Variants in EPHA7 observed in about 807,000 individuals in gnomAD.
EPHA7 encodes ephrin type-A receptor 7.
In EPHA7, 25 loss-of-function variants were observed where a neutral mutation model predicts 112.6. That is an observed-to-expected ratio of 0.22 (90% CI 0.16 to 0.31). EPHA7 has a LOEUF of 0.31. Ranked by LOEUF, EPHA7 falls within the 10% of genes least tolerant of loss-of-function variation. The pLI, the probability that EPHA7 is intolerant of heterozygous loss-of-function variation, is 1.00. For missense variants in EPHA7, 962 were observed against 1,212.6 expected, an observed-to-expected ratio of 0.79 and a Z score of 3.07; for synonymous variants, 437 against 406.5, an observed-to-expected ratio of 1.07 and a Z score of -0.90.
chr6:93,347,140 C>T (rs1775442313), intron 5 of EPHA7, among the ~76,000 whole-genome samples: 1 of 151,708 alleles, frequency 6.6e-6, no homozygotes, highest in Non-Finnish European at 1.5e-5. Flanking sequence ...ACACTTTTTC[C>T]TAAGAAAATC....
At chr6:93,353,514 A>G (rs967346016) in intron 5 of EPHA7, among the ~76,000 whole-genome samples, 2 of 152,170 alleles carry the variant, frequency 1.3e-5, no homozygotes, top group Admixed American at 6.6e-5. Context: ...TTAACTGCCA[A>G]TTCTGCACTC....
chr6:93,396,951 CTAT>C (rs1264661429), intron 3 of EPHA7, among the ~76,000 whole-genome samples: 1 of 151,604 alleles, frequency 6.6e-6, no homozygotes, highest in Middle Eastern at 3.2e-3. Flanking sequence ...GAAATAGAAT[CTAT>C]TAATGAGCTT....
rs1314200690 is a variant in EPHA7, at chr6:93,243,367, T to C, written c.*59A>G. ...TTCTAGCAGCATTCTATGCATATAC[T>C]GAAGGCCAGTACTGTTCTCTTGCAG... On this transcript the variant is annotated 3_prime_UTR_variant, in exon 17 of 17. Transcript: ENST00000369303. 1.6e-6 allele frequency: 2 copies of C among 1,288,530 alleles called. No individual in the cohort carries two copies. Among genetic ancestry groups the C allele is most frequent in the East Asian group, 2.3e-5 (1 of 43,070 alleles). 79.8% of individuals were successfully genotyped at this position (1,288,530 alleles called of 1,614,324 possible).
At chr6:93,407,038 T>C (rs1469696670) in intron 3 of EPHA7, among the ~76,000 whole-genome samples, 1 of 151,946 alleles carries the variant, frequency 6.6e-6, no homozygotes, top group Non-Finnish European at 1.5e-5. Flanking sequence ...AAATACTATG[T>C]TTAAGAATTG....
chr6:93,358,161 T>G, intron 4 of EPHA7, 95 bp downstream of exon 4: 1 of 934,046 alleles, frequency 1.1e-6, no homozygotes, highest in South Asian at 4.4e-5. Context: ...TAATTAAGAA[T>G]GTATCACAAA....
chr6:93,374,491 C>T (rs1776954490), intron 3 of EPHA7, among the ~76,000 whole-genome samples: 1 of 152,142 alleles, frequency 6.6e-6, no homozygotes, highest in South Asian at 2.1e-4. Flanking sequence ...CATTTTAAGT[C>T]TTCCTTTTAA....
chr6:93,276,483 C>T (rs752103934), intron 5 of EPHA7, among the ~76,000 whole-genome samples: 12 of 151,960 alleles, frequency 7.9e-5, no homozygotes, highest in African/African-American at 1.2e-4. Flanking sequence ...CAAGACCAGC[C>T]GATAACTTGA....
chr6:93,283,555 C>G (rs190630697), intron 5 of EPHA7, among the ~76,000 whole-genome samples: 4 of 151,978 alleles, frequency 2.6e-5, no homozygotes, highest in African/African-American at 9.7e-5. Context: ...AGCAAGACCA[C>G]GAACCCACCA....
chr6:93,243,618 ATTAAATACG>A, intron 16 of EPHA7, 78 bp from the exon 17 acceptor site: 1 of 956,810 alleles, frequency 1.0e-6, no homozygotes, highest in African/African-American at 1.6e-5. Context: ...CAACTGTTTA[ATTAAATACG>A]TTATCTTAGC....
chr6:93,405,706 G>T (rs1778660619), intron 3 of EPHA7, among the ~76,000 whole-genome samples: 1 of 150,310 alleles, frequency 6.7e-6, no homozygotes. Flanking sequence ...CTAATAAGTT[G>T]TGAAACCAGC....
chr6:93,377,760 T>C (rs976149174), intron 3 of EPHA7, among the ~76,000 whole-genome samples: 3 of 152,278 alleles, frequency 2.0e-5, no homozygotes, highest in Admixed American at 2.0e-4. Flanking sequence ...TTCCTGTTTG[T>C]TATTCTTTTG....
rs1398296905 is a variant in EPHA7, at chr6:93,242,290, A to T, written c.*1136T>A. 4.9e-6 allele frequency: 1 copy of T among 203,828 alleles called. No individual in the cohort carries two copies. Among genetic ancestry groups the T allele is most frequent in the Non-Finnish European group, 1.0e-5 (1 of 98,994 alleles). 12.6% of individuals were successfully genotyped at this position (203,828 alleles called of 1,614,324 possible). ...TTTTGTTTTGAACTGCAATGGTGATATTCTGTGCAGCAAATTTGTGTTTAA... is the reference window on the plus strand; with the variant it reads ...TTTTGTTTTGAACTGCAATGGTGATTTTCTGTGCAGCAAATTTGTGTTTAA... On this transcript the variant is annotated 3_prime_UTR_variant, in exon 17 of 17. Coordinates refer to ENST00000369303, the MANE Select transcript of EPHA7 (RefSeq NM_004440.4).
intron 5 of EPHA7, among the ~76,000 whole-genome samples, chr6:93,287,053 C>T (rs1418222477): frequency 6.6e-6 from 1 of 152,102 alleles, no homozygotes; most frequent in African/African-American, 2.4e-5. Context: ...AGGAATACTC[C>T]ACCATGCATA....
Position 93,356,774 on chromosome 6 carries a change from C to T in EPHA7, c.1267G>A (p.Asp423Asn). The change falls in exon 5 of 17, where the codon GAC (aspartate) becomes AAC (asparagine). Residue 423 changes from aspartate (D) to asparagine (N), a missense_variant. Coordinates refer to ENST00000369303, the MANE Select transcript of EPHA7 (RefSeq NM_004440.4). ...AAGAGCCTCTGGGATCGGCTTAAGT[C>T]AGAAACTCCATTTACAGCTTCAACT... ...FEVEAVNGVS[D>N]LSRSQRLFAA... is the part of the protein sequence containing the mutation. 1.9e-6 allele frequency: 3 copies of T among 1,614,014 alleles called. No individual in the cohort carries two copies. The highest frequency in any genetic ancestry group is 2.5e-6 in the Non-Finnish European group (3 of 1,179,942).
chr6:93,366,845 A>G (rs951668835), intron 3 of EPHA7, among the ~76,000 whole-genome samples: 2 of 152,144 alleles, frequency 1.3e-5, no homozygotes, highest in Non-Finnish European at 2.9e-5. Context: ...ACTTGTGCAA[A>G]AAAGGAAAGA....
At chr6:93,272,567 A>T (rs1247904000) in intron 5 of EPHA7, 145 bp from the exon 6 acceptor site, 1 of 903,664 alleles carries the variant, frequency 1.1e-6, no homozygotes, top group Non-Finnish European at 1.6e-6. Flanking sequence ...TCAGAAGCTA[A>T]TGAATATTCA....
chr6:93,282,745 G>A (rs531764573), intron 5 of EPHA7, among the ~76,000 whole-genome samples: 66 of 152,280 alleles, frequency 4.3e-4, no homozygotes, highest in Non-Finnish European at 8.5e-4. Context: ...ACTCAGAGCC[G>A]CGGGACCTGC....
At chr6:93,357,928 G>A (rs944952744) in intron 4 of EPHA7, among the ~76,000 whole-genome samples, 1 of 152,046 alleles carries the variant, frequency 6.6e-6, no homozygotes, top group African/African-American at 2.4e-5. Context: ...CCAAAGTGCT[G>A]GGATTACAGG....
At chr6:93,282,986 G>C (rs1024795280) in intron 5 of EPHA7, among the ~76,000 whole-genome samples, 1 of 152,218 alleles carries the variant, frequency 6.6e-6, no homozygotes, top group African/African-American at 2.4e-5. Context: ...GGGCTGAGGA[G>C]TGCAGGAGCA....
Sources: gnomAD v4.1 joint callset for allele counts (sites outside exome capture counted in the v4.1 genomes callset) on GRCh38, gnomAD v4.1.1 for gene constraint, MANE v1.5 for transcripts, NCBI Gene and HGNC (gene_info 2026-07-23, HGNC 2026-07-21) for gene names.